Variants in AMPH observed in about 807,000 individuals in gnomAD.
AMPH encodes amphiphysin (Stiff-Mann syndrome with breast cancer 128kD autoantigen).
AMPH carries 49 observed loss-of-function variants against 99.1 expected under a neutral mutation model. The ratio of observed to expected loss-of-function variants is 0.49; its 90% CI spans 0.39 to 0.63. The LOEUF (loss-of-function observed/expected upper bound fraction) is 0.63, where lower values mean the gene tolerates loss of function less well. AMPH is among the 20% of genes least tolerant of loss of function. The probability of loss-of-function intolerance (pLI) is 0.00; values close to 1 mark genes in which losing one functional copy is unlikely to be tolerated. For synonymous variants in AMPH, 314 were observed against 317.3 expected (o/e 0.99, Z 0.11); for missense variants, 759 against 863.4 (o/e 0.88, Z 1.52).
At chr7:38,554,954 A>T (rs1229576085) in intron 1 of AMPH, among the ~76,000 whole-genome samples, 2 of 152,226 alleles carry the variant, frequency 1.3e-5, no homozygotes, top group Non-Finnish European at 2.9e-5. Flanking sequence ...GAATTAAGGT[A>T]CCTGTAAATG....
intron 3 of AMPH, among the ~76,000 whole-genome samples, chr7:38,500,923 T>C (rs1055242912): frequency 5.3e-5 from 8 of 152,222 alleles, no homozygotes; most frequent in Non-Finnish European, 7.3e-5. Context: ...ACAGGTAATA[T>C]GCCTAAAATG....
chr7:38,391,880 C>A lies in AMPH; in HGVS notation c.1746G>T (p.Pro582=), dbSNP rs1058655. 0.21 allele frequency: 334,995 copies of A among 1,612,418 alleles called. 36,880 individuals carry two copies. Among genetic ancestry groups the A allele is most frequent in the Admixed American group, 0.22 (13,190 of 59,816 alleles). The part of the protein sequence containing the change: ...AAPPGPTSET[P]ELATEQKPIQ... ...TAGGCTTCTGCTCCGTAGCCAGCTC[C>A]GGTGTCTCGCTGGTGGGGCCCGGAG... Residue 582 remains proline (P), a synonymous_variant, in exon 19 of 21, where the codon CCG becomes CCT. Coordinates refer to ENST00000356264, the MANE Select transcript of AMPH (RefSeq NM_001635.4).
At chr7:38,533,913 G>A (rs1790502549) in intron 2 of AMPH, among the ~76,000 whole-genome samples, 1 of 152,076 alleles carries the variant, frequency 6.6e-6, no homozygotes, top group Non-Finnish European at 1.5e-5. Flanking sequence ...GTTACCTAAA[G>A]AGAGATATTC....
intron 1 of AMPH, among the ~76,000 whole-genome samples, chr7:38,549,698 G>A (rs569888838): frequency 6.6e-6 from 1 of 152,286 alleles, no homozygotes; most frequent in South Asian, 2.1e-4. Context: ...TTGGTGTAAA[G>A]CACAGGGGCT....
intron 1 of AMPH, among the ~76,000 whole-genome samples, chr7:38,560,656 C>A (rs117760391): frequency 0.022 from 3,375 of 152,268 alleles, 260 homozygotes; most frequent in East Asian, 0.16. Context: ...GTTCTAAATC[C>A]AAGCCAGTAG....
intron 3 of AMPH, among the ~76,000 whole-genome samples, chr7:38,498,392 A>C (rs1254382458): frequency 6.6e-6 from 1 of 152,230 alleles, no homozygotes; most frequent in East Asian, 1.9e-4. Context: ...CAACATAACA[A>C]AATAATTAAG....
rs535428552 is a variant in AMPH, at chr7:38,509,589, G to C, written c.151-5885C>G. Among the ~76,000 whole-genome samples the C allele has an allele frequency of 3.3e-5, 5 of 152,264 alleles. No individual in the cohort carries two copies. The South Asian group carries it at 1.0e-3, about 32-fold the overall frequency. On this transcript the variant is annotated intron_variant, in intron 2 of 20. Coordinates refer to ENST00000356264, the MANE Select transcript of AMPH (RefSeq NM_001635.4). Reference sequence around the variant, plus strand: ...TCAAATCATCACAGCATGCAGACTGGATACAGCTGGAAGATCTGCTTTATT... The same window carrying C: ...TCAAATCATCACAGCATGCAGACTGCATACAGCTGGAAGATCTGCTTTATT...
chr7:38,517,278 A>G (rs1173678297), intron 2 of AMPH, among the ~76,000 whole-genome samples: 2 of 152,144 alleles, frequency 1.3e-5, no homozygotes, highest in African/African-American at 4.8e-5. Context: ...TGGAGGAGGA[A>G]CCTGGTGGGA....
intron 1 of AMPH, among the ~76,000 whole-genome samples, chr7:38,563,305 C>T (rs1791621486): frequency 6.6e-6 from 1 of 152,130 alleles, no homozygotes. Flanking sequence ...TTATTTCAAT[C>T]ACTTATTCTC....
chr7:38,501,699 C>A (rs1344757441), intron 3 of AMPH, among the ~76,000 whole-genome samples: 1 of 151,326 alleles, frequency 6.6e-6, no homozygotes, highest in African/African-American at 2.4e-5. Flanking sequence ...ATATTCAGTT[C>A]TATACATCCA....
At chr7:38,433,395 G>A (rs1786116218) in intron 12 of AMPH, among the ~76,000 whole-genome samples, 1 of 152,186 alleles carries the variant, frequency 6.6e-6, no homozygotes, top group Admixed American at 6.5e-5. Flanking sequence ...TGATTATCTA[G>A]ATGATTCTCA....
chr7:38,583,906 T>C (rs1792555041), intron 1 of AMPH, among the ~76,000 whole-genome samples: 1 of 152,188 alleles, frequency 6.6e-6, no homozygotes, highest in Admixed American at 6.6e-5. Flanking sequence ...GCTACTACCA[T>C]TGCCATTGAC....
chr7:38,477,998 G>T (rs554975332), intron 5 of AMPH, among the ~76,000 whole-genome samples: 1 of 152,072 alleles, frequency 6.6e-6, no homozygotes, highest in South Asian at 2.1e-4. Flanking sequence ...GGAAACTCTC[G>T]CTCAAATCCA....
chr7:38,429,112 C>T (rs1785900007), intron 14 of AMPH: 2 of 1,290,198 alleles, frequency 1.6e-6, no homozygotes, highest in South Asian at 2.5e-5. Context: ...TGTTTCTCTT[C>T]CTCTTCATCT....
chr7:38,629,119 T>A (rs974856206), intron 1 of AMPH, among the ~76,000 whole-genome samples: 1 of 152,252 alleles, frequency 6.6e-6, no homozygotes, highest in Admixed American at 6.5e-5. Flanking sequence ...AAAGAGGGAA[T>A]CACGTGGGGA....
chr7:38,530,235 T>G (rs1790344268), intron 2 of AMPH, among the ~76,000 whole-genome samples: 1 of 152,172 alleles, frequency 6.6e-6, no homozygotes, highest in African/African-American at 2.4e-5. Flanking sequence ...AGGTGTGAGT[T>G]CAGTCTAAGG....
chr7:38,513,883 T>C (rs914940872), intron 2 of AMPH, among the ~76,000 whole-genome samples: 14 of 152,242 alleles, frequency 9.2e-5, no homozygotes, highest in Non-Finnish European at 1.8e-4. Context: ...ATTTTCATTC[T>C]GGTCTAAATG....
chr7:38,425,091 T>C (rs7782361), intron 15 of AMPH, among the ~76,000 whole-genome samples: 98,170 of 152,118 alleles, frequency 0.65, 32,092 homozygotes, highest in Non-Finnish European at 0.7. Context: ...ATACACCTTC[T>C]GTGTATGCAC....
At chr7:38,523,110 A>G (rs934772558) in intron 2 of AMPH, among the ~76,000 whole-genome samples, 7 of 149,310 alleles carry the variant, frequency 4.7e-5, no homozygotes, top group Admixed American at 2.0e-4. Flanking sequence ...CTCTGTCTAA[A>G]AAAAAAAAAA....
Sources: allele counts gnomAD v4.1 joint callset (sites outside exome capture counted in the v4.1 genomes callset), GRCh38; gene constraint gnomAD v4.1.1; transcripts MANE v1.5; gene names NCBI Gene and HGNC (gene_info 2026-07-23, HGNC 2026-07-21).